XIRP1: variants seen among roughly 807,000 people sequenced by gnomAD.
XIRP1 encodes the protein xin actin binding repeat containing 1.
For synonymous variants in XIRP1, 984 were observed against 947.0 expected, an observed-to-expected ratio of 1.04 and a Z score of -0.72; for missense variants, 2,378 against 2,345.4, an observed-to-expected ratio of 1.01 and a Z score of -0.29.
In XIRP1 at chr3:39,187,520, C is replaced by T. The variant is rs74827471; in HGVS notation, c.1926G>A (p.Arg642=). 15,788 of 1,614,068 alleles carry T rather than the reference C, an allele frequency of 9.8e-3. 107 individuals carry two copies. The highest frequency in any genetic ancestry group is 0.011 in the Non-Finnish European group (13,386 of 1,180,050). The change falls in exon 2 of 2, where the codon AGG becomes AGA. Residue 642 remains arginine (R), a synonymous_variant. Coordinates refer to ENST00000340369, the MANE Select transcript of XIRP1 (RefSeq NM_194293.4). ...PQPVDRPVGS[R]EQHLQVSQVP... is the part of the protein sequence containing the mutation. ...CCTGGCTAACCTGCAGGTGCTGCTC[C>T]CTGGAGCCCACTGGCCTGTCCACAG...
At position 39,186,316 on chromosome 3, in the gene XIRP1, G is replaced by C. The variant is rs1328772785; in HGVS notation, c.3130C>G (p.Pro1044Ala). ...GKSEGATTTP[P>A]GPGAPDLLAA... is the part of the protein sequence containing the mutation. ...AGGAGGTCTGGGGCCCCAGGCCCCG[G>C]AGGGGTAGTCGTGGCTCCTTCTGAC... is the stretch of plus-strand genomic sequence containing the variant. Residue 1044 changes from proline to alanine, a missense_variant, in exon 2 of 2, where the codon CCG becomes GCG. Coordinates refer to ENST00000340369, the MANE Select transcript of XIRP1 (RefSeq NM_194293.4). 3.1e-6 allele frequency: 5 copies of C among 1,614,142 alleles called. No homozygotes were observed. The highest frequency in any genetic ancestry group is 3.4e-6 in the Non-Finnish European group (4 of 1,179,996).
chr3:39,184,686 C>T lies in XIRP1; in HGVS notation c.4760G>A (p.Ser1587Asn). ...PPKDHSAHKI[S>N]VTVSSSARPS... Reference sequence around the variant, plus strand: ...CCTGGCGCTACTGCTGACTGTGACACTGATCTTGTGGGCACTGTGGTCTTT... The same window carrying T: ...CCTGGCGCTACTGCTGACTGTGACATTGATCTTGTGGGCACTGTGGTCTTT... Residue 1587 changes from serine (S) to asparagine (N), a missense_variant, in exon 2 of 2, where the codon AGT becomes AAT. By Grantham distance (46) the Ser-to-Asn change is conservative. Coordinates refer to ENST00000340369, the MANE Select transcript of XIRP1 (RefSeq NM_194293.4). 1 of 1,614,264 alleles carries T rather than the reference C, an allele frequency of 6.2e-7. No homozygotes were observed. The highest frequency in any genetic ancestry group is 1.1e-5 in the South Asian group (1 of 91,088).
In XIRP1 at chr3:39,188,368, C is replaced by A. The variant is rs1479805268; in HGVS notation, c.1078G>T (p.Asp360Tyr). The A allele has an allele frequency of 3.1e-6, 5 of 1,614,018 alleles. No individual in the cohort carries two copies. In the African/African-American group the frequency reaches 4.0e-5, roughly 13 times the overall value. ...ETRALDTLKG[D>Y]EEAGAEAPPK... ...GGGGCCTCTGCTCCAGCCTCTTCGT[C>A]CCCCTTCAGAGTGTCCAGCGCTCGG... is the stretch of plus-strand genomic sequence containing the variant. The change falls in exon 2 of 2, where the codon GAC becomes TAC. Residue 360 changes from aspartate to tyrosine, a missense_variant. Coordinates refer to ENST00000340369, the MANE Select transcript of XIRP1 (RefSeq NM_194293.4).
intron 1 of XIRP1, among the ~76,000 whole-genome samples, chr3:39,192,176 T>C (rs2040095996): frequency 6.6e-6 from 1 of 152,248 alleles, no homozygotes; most frequent in Admixed American, 6.5e-5. Context: ...CAGGCCTTTC[T>C]GGATCATGCC....
chr3:39,185,801 GC>G lies in XIRP1; in HGVS notation c.3644del (p.Cys1215SerfsTer12). The G allele has an allele frequency of 1.9e-6, 3 of 1,613,276 alleles. No individual in the cohort carries two copies. In the South Asian group the frequency reaches 3.3e-5, roughly 18 times the overall value. Reference protein sequence around the residue: ...GPPGKAMAEVCPGGLQAAETT... With the variant: ...GPPGKAMAEVXPGGLQAAETT... ...TCTCTGCAGCTTGGAGGCCCCCTGG[GC>G]AGACTTCTGCCATCGCCTTCCCTGG... On this transcript the variant is annotated frameshift_variant, in exon 2 of 2. Coordinates refer to ENST00000340369, the MANE Select transcript of XIRP1 (RefSeq NM_194293.4). LOFTEE classifies it low-confidence loss of function (END_TRUNC).
chr3:39,183,947 C>T lies in XIRP1; in HGVS notation c.5499G>A (p.Val1833=), dbSNP rs2039909673. 1 of 1,611,470 alleles carries T rather than the reference C, an allele frequency of 6.2e-7. No homozygotes were observed. Among genetic ancestry groups the T allele is most frequent in the Non-Finnish European group, 8.5e-7 (1 of 1,179,856 alleles). Residue 1833 remains valine (V), a synonymous_variant, in exon 2 of 2, where the codon GTG becomes GTA. Transcript: ENST00000340369. ...CAGCTGGCTGGGAGTAGCTGCAGGA[C>T]ACCTGCACCGTCTCAGCTTCTGTCA... ...SDLTEAETVQ[V]SCSYSQPAAQ
At position 39,191,565 on chromosome 3, in the gene XIRP1, C is replaced by T. The variant is rs149858948; in HGVS notation, c.-81+881G>A. 1.4e-3 allele frequency among the ~76,000 whole-genome samples: 218 copies of T among 152,332 alleles called. 3 individuals are homozygous for T. The highest frequency in any genetic ancestry group is 5.1e-3 in the African/African-American group (212 of 41,568). ...GGCAGTAGCAAAGCCTGAAGCATGT[C>T]TCCTGACTCCTGGCCTTCCCACCAC... On this transcript the variant is annotated intron_variant, in intron 1 of 1. Coordinates refer to ENST00000340369, the MANE Select transcript of XIRP1 (RefSeq NM_194293.4).
Position 39,187,380 on chromosome 3 carries a change from G to A in XIRP1, c.2066C>T (p.Pro689Leu), listed in dbSNP as rs199632343. The change falls in exon 2 of 2, where the codon CCT becomes CTT. Residue 689 changes from proline (P) to leucine (L), a missense_variant. Physicochemically the swap from Pro to Leu is moderately conservative, Grantham distance 98. Coordinates refer to ENST00000340369, the MANE Select transcript of XIRP1 (RefSeq NM_194293.4). ...TTTCTGACGAGACACCTGCCCTGAAGGGATCTCCACGCGGCTGCAGTATCT... is the reference window on the plus strand; with the variant it reads ...TTTCTGACGAGACACCTGCCCTGAAAGGATCTCCACGCGGCTGCAGTATCT... ...PVRYCSRVEI[P>L]SGQVSRQKEV... 301 of 1,614,044 alleles carry A rather than the reference G, an allele frequency of 1.9e-4. 1 individual carries two copies. Among genetic ancestry groups the A allele is most frequent in the Middle Eastern group, 6.6e-4 (4 of 6,062 alleles).
chr3:39,187,159 T>A lies in XIRP1; in HGVS notation c.2287A>T (p.Met763Leu). ...EQPMSPSGNR[M>L]QESQETAAEG... is the part of the protein sequence containing the mutation. ...GCTGCAGTCTCCTGGCTCTCTTGCA[T>A]CCTGTTGCCTGAGGGGCTCATGGGC... is the stretch of plus-strand genomic sequence containing the variant. The change falls in exon 2 of 2, where the codon ATG becomes TTG. Residue 763 changes from methionine (M) to leucine (L), a missense_variant. Physicochemically the swap from Met to Leu is conservative, Grantham distance 15. Transcript: ENST00000340369. The A allele has an allele frequency of 1.2e-6, 2 of 1,608,366 alleles. No individual in the cohort carries two copies. Among genetic ancestry groups the A allele is most frequent in the Non-Finnish European group, 1.7e-6 (2 of 1,175,306 alleles).
chr3:39,184,135 G>C lies in XIRP1; in HGVS notation c.5311C>G (p.Gln1771Glu). The C allele has an allele frequency of 6.2e-7, 1 of 1,611,812 alleles. No homozygotes were observed. Among genetic ancestry groups the C allele is most frequent in the Non-Finnish European group, 8.5e-7 (1 of 1,178,520 alleles). ...CCAAACTGGTCCACCTCCTCATACT[G>C]TTCAGTCACGGTTCTCATGGCTCCA... ...HYGAMRTVTEQYEEVDQFGNT... is the reference protein window; with the variant it reads ...HYGAMRTVTEEYEEVDQFGNT... The change falls in exon 2 of 2, where the codon CAG becomes GAG. Residue 1771 changes from glutamine (Q) to glutamate (E), a missense_variant. Gln to Glu is a conservative substitution (Grantham distance 29). Coordinates refer to ENST00000340369, the MANE Select transcript of XIRP1 (RefSeq NM_194293.4).
At position 39,186,263 on chromosome 3, in the gene XIRP1, T is replaced by C. The variant is rs1185543535; in HGVS notation, c.3183A>G (p.Ala1061=). 2 of 1,613,480 alleles carry C rather than the reference T, an allele frequency of 1.2e-6. No individual in the cohort carries two copies. Among genetic ancestry groups the C allele is most frequent in the East Asian group, 2.2e-5 (1 of 44,814 alleles). The change falls in exon 2 of 2, where the codon GCA becomes GCG. Residue 1061 remains alanine (A), a synonymous_variant. Transcript: ENST00000340369. ...LLAAMQSLRM[A]TAEAQSLHQQ... Reference sequence around the variant, plus strand: ...GGTGCAGGCTCTGGGCTTCAGCTGTTGCCATCCGCAGACTCTGCATGGCGG... The same window carrying C: ...GGTGCAGGCTCTGGGCTTCAGCTGTCGCCATCCGCAGACTCTGCATGGCGG...
At position 39,185,626 on chromosome 3, in the gene XIRP1, G is replaced by A. The variant is rs760318081; in HGVS notation, c.3820C>T (p.His1274Tyr). 3.7e-6 allele frequency: 6 copies of A among 1,612,970 alleles called. 1 individual carries two copies. The South Asian group carries it at 6.6e-5, about 18-fold the overall frequency. ...VTGPDFPAGA[H>Y]RAEDSIQQAS... is the part of the protein sequence containing the mutation. ...TGCTGGATGGAGTCCTCAGCACGGT[G>A]GGCTCCAGCTGGAAAGTCAGGTCCT... The change falls in exon 2 of 2, where the codon CAC becomes TAC. Residue 1274 changes from histidine to tyrosine, a missense_variant. Coordinates refer to ENST00000340369, the MANE Select transcript of XIRP1 (RefSeq NM_194293.4).
chr3:39,184,433 T>G lies in XIRP1; in HGVS notation c.5013A>C (p.Thr1671=). The G allele has an allele frequency of 6.2e-7, 1 of 1,614,018 alleles. No homozygotes were observed. The highest frequency in any genetic ancestry group is 8.5e-7 in the Non-Finnish European group (1 of 1,180,004). ...TTGTGGCCGACTGGATGGAGATAAATGTTGGGGAGGAGGGAGAATCTCGGC... is the reference window on the plus strand; with the variant it reads ...TTGTGGCCGACTGGATGGAGATAAAGGTTGGGGAGGAGGGAGAATCTCGGC... The part of the protein sequence containing the change: ...PSSRDSPSSP[T]FISIQSATRK... Residue 1671 remains threonine (T), a synonymous_variant, in exon 2 of 2, where the codon ACA becomes ACC. Coordinates refer to ENST00000340369, the MANE Select transcript of XIRP1 (RefSeq NM_194293.4).
Position 39,184,612 on chromosome 3 carries a change from G to T in XIRP1, c.4834C>A (p.Gln1612Lys). 1 of 1,613,766 alleles carries T rather than the reference G, an allele frequency of 6.2e-7. No individual in the cohort carries two copies. The highest frequency in any genetic ancestry group is 8.5e-7 in the Non-Finnish European group (1 of 1,179,814). Residue 1612 changes from glutamine (Q) to lysine (K), a missense_variant, in exon 2 of 2, where the codon CAA becomes AAA. Gln to Lys is a moderately conservative substitution (Grantham distance 53). Transcript: ENST00000340369. ...TCAGTGTGGCATTCAACCTTGGCTTGGTTCTTGACTGCAGTTTGACCTCCG... is the reference window on the plus strand; with the variant it reads ...TCAGTGTGGCATTCAACCTTGGCTTTGTTCTTGACTGCAGTTTGACCTCCG... ...EVGGQTAVKN[Q>K]AKVECHTEAQ... is the part of the protein sequence containing the mutation.
At position 39,187,526 on chromosome 3, in the gene XIRP1, G is replaced by A. The variant is rs1285858907; in HGVS notation, c.1920C>T (p.Gly640=). ...TAACCTGCAGGTGCTGCTCCCTGGA[G>A]CCCACTGGCCTGTCCACAGGTTGGG... ...FKPQPVDRPV[G]SREQHLQVSQ... Residue 640 remains glycine, a synonymous_variant, in exon 2 of 2, where the codon GGC becomes GGT. Coordinates refer to ENST00000340369, the MANE Select transcript of XIRP1 (RefSeq NM_194293.4). The A allele has an allele frequency of 6.2e-7, 1 of 1,613,990 alleles. No individual in the cohort carries two copies.
chr3:39,183,842 C>A lies in XIRP1; in HGVS notation c.*72G>T. The A allele has an allele frequency of 6.5e-7, 1 of 1,528,156 alleles. No homozygotes were observed. Among genetic ancestry groups the A allele is most frequent in the Admixed American group, 2.0e-5 (1 of 50,024 alleles). The allele number at this position is 1,528,156 out of a possible 1,614,324, so 94.7% of individuals were successfully genotyped here. ...GGTCCTTGCTCCAGTGTACAGGAGGCAGGTACCCACTTCAGTCCTGGGGCA... is the reference window on the plus strand; with the variant it reads ...GGTCCTTGCTCCAGTGTACAGGAGGAAGGTACCCACTTCAGTCCTGGGGCA... On this transcript the variant is annotated 3_prime_UTR_variant, in exon 2 of 2. Transcript: ENST00000340369.
chr3:39,188,820 A>G lies in XIRP1; in HGVS notation c.626T>C (p.Leu209Pro), dbSNP rs1421615965. 7 of 1,613,198 alleles carry G rather than the reference A, an allele frequency of 4.3e-6. No individual in the cohort carries two copies. The highest frequency in any genetic ancestry group is 5.9e-6 in the Non-Finnish European group (7 of 1,180,020). ...CAGTTCCAAGGGGCTCTGCTCCTGC[A>G]GGGAGGGGCGGGAGCCCAGGCGGTC... ...PLDRLGSRPS[L>P]QEQSPLELRS... The change falls in exon 2 of 2, where the codon CTG (leucine) becomes CCG (proline). Residue 209 changes from leucine to proline, a missense_variant. Physicochemically the swap from Leu to Pro is moderately conservative, Grantham distance 98 (BLOSUM62 -3). Coordinates refer to ENST00000340369, the MANE Select transcript of XIRP1 (RefSeq NM_194293.4).
rs61736155 is a variant in XIRP1 at position 39,186,173 on chromosome 3, G to C, written c.3273C>G (p.Asp1091Glu). ...TPTATSNPIQ[D>E]GLRKAGATQS... ...GGGTAGCCCCAGCTTTCCGAAGACC[G>C]TCCTGGATGGGGTTGGAAGTGGCTG... Residue 1091 changes from aspartate (D) to glutamate (E), a missense_variant, in exon 2 of 2, where the codon GAC becomes GAG. Asp to Glu is a conservative substitution (Grantham distance 45). Coordinates refer to ENST00000340369, the MANE Select transcript of XIRP1 (RefSeq NM_194293.4). 3 of 1,613,736 alleles carry C rather than the reference G, an allele frequency of 1.9e-6. No individual in the cohort carries two copies. Among genetic ancestry groups the C allele is most frequent in the South Asian group, 1.1e-5 (1 of 91,030 alleles).
chr3:39,187,758 T>C lies in XIRP1; in HGVS notation c.1688A>G (p.His563Arg). The C allele has an allele frequency of 6.2e-7, 1 of 1,614,080 alleles. No individual in the cohort carries two copies. The highest frequency in any genetic ancestry group is 2.2e-5 in the East Asian group (1 of 44,870). Residue 563 changes from histidine (H) to arginine (R), a missense_variant, in exon 2 of 2, where the codon CAC (histidine) becomes CGC (arginine). His to Arg is a conservative substitution (Grantham distance 29). Coordinates refer to ENST00000340369, the MANE Select transcript of XIRP1 (RefSeq NM_194293.4). ...LFETQPLEMI[H>R]QREQQERQKE... ...CTGTCGTTCCTGCTGCTCCCGTTGG[T>C]GGATCATCTCCAGGGGCTGGGTCTC... is the stretch of plus-strand genomic sequence containing the variant.
Sources: gnomAD v4.1 joint callset for allele counts (sites outside exome capture counted in the v4.1 genomes callset) on GRCh38, gnomAD v4.1.1 for gene constraint, MANE v1.5 for transcripts, NCBI Gene and HGNC (gene_info 2026-07-23, HGNC 2026-07-21) for gene names.